Variants in SSBP2 observed in about 807,000 individuals in gnomAD.
SSBP2 encodes the protein single-stranded DNA-binding protein 2.
SSBP2 carries 17 observed loss-of-function variants against 61.8 expected under a neutral mutation model. That is an observed-to-expected ratio of 0.28 (90% CI 0.19 to 0.41). SSBP2 has a LOEUF of 0.41. Ranked by LOEUF, SSBP2 falls within the 10% of genes least tolerant of loss-of-function variation. SSBP2 has a pLI of 1.00. For missense variants in SSBP2, 310 were observed against 458.7 expected (o/e 0.68, Z 2.96); for synonymous variants, 139 against 141.3 (o/e 0.98, Z 0.12).
intron 5 of SSBP2, among the ~76,000 whole-genome samples, chr5:81,507,143 C>T (rs542199789): frequency 6.6e-6 from 1 of 152,232 alleles, no homozygotes; most frequent in African/African-American, 2.4e-5. Context: ...GTGGAGCCAT[C>T]TGCAAACTAC....
At position 81,472,789 on chromosome 5, in the gene SSBP2, C is replaced by T. The variant is rs143260518; in HGVS notation, c.570+911G>A. Among the ~76,000 whole-genome samples the T allele has an allele frequency of 5.4e-3, 824 of 152,080 alleles. 5 individuals are homozygous for T. Among genetic ancestry groups the T allele is most frequent in the African/African-American group, 0.018 (765 of 41,508 alleles). ...TTACTTTTTGTATTTTTAGTAGAGA[C>T]GGGGTTTCACTAGGTTGGCCAGGCT... On this transcript the variant is annotated intron_variant, in intron 8 of 16. Transcript: ENST00000320672.
chr5:81,670,302 A>C (rs545635020), intron 1 of SSBP2, among the ~76,000 whole-genome samples: 181 of 152,274 alleles, frequency 1.2e-3, no homozygotes, highest in Non-Finnish European at 2.4e-3. Context: ...TCTTCCACGC[A>C]ATTTGCTGTG....
chr5:81,725,174 T>C (rs1353475919), intron 1 of SSBP2, among the ~76,000 whole-genome samples: 1 of 151,908 alleles, frequency 6.6e-6, no homozygotes, highest in Non-Finnish European at 1.5e-5. Context: ...ATGGAGTGAG[T>C]GAGCCACGTG....
intron 1 of SSBP2, among the ~76,000 whole-genome samples, chr5:81,701,844 A>G (rs1359690549): frequency 6.6e-6 from 1 of 152,248 alleles, no homozygotes; most frequent in Non-Finnish European, 1.5e-5. Context: ...AAGAAGAGAT[A>G]TAAGTATGCA....
intron 1 of SSBP2, among the ~76,000 whole-genome samples, chr5:81,728,344 T>A (rs2153985559): frequency 6.6e-6 from 1 of 152,296 alleles, no homozygotes; most frequent in Non-Finnish European, 1.5e-5. Context: ...AAGGGCAGCA[T>A]CTTTTTTTAA....
intron 12 of SSBP2, among the ~76,000 whole-genome samples, chr5:81,444,413 T>C (rs1763238420): frequency 6.6e-6 from 1 of 152,200 alleles, no homozygotes; most frequent in Non-Finnish European, 1.5e-5. Flanking sequence ...GGTTTTTTCC[T>C]GGCAGTTCCA....
intron 4 of SSBP2, among the ~76,000 whole-genome samples, chr5:81,526,062 T>G (rs1256828909): frequency 1.3e-5 from 2 of 152,076 alleles, no homozygotes; most frequent in Non-Finnish European, 2.9e-5. Flanking sequence ...ATATCCCATA[T>G]ACGTCAGTAA....
intron 4 of SSBP2, among the ~76,000 whole-genome samples, chr5:81,547,719 T>C (rs767322303): frequency 4.6e-5 from 7 of 152,206 alleles, no homozygotes; most frequent in Non-Finnish European, 7.3e-5. Context: ...GTGATCCTCC[T>C]GCCTTGGACT....
Position 81,426,861 on chromosome 5 carries a change from A to G in SSBP2, c.1056+1724T>C, listed in dbSNP as rs115059506. On this transcript the variant is annotated intron_variant, in intron 16 of 16. Coordinates refer to ENST00000320672, the MANE Select transcript of SSBP2 (RefSeq NM_012446.5). ...GTGAAAGTCATGTGGAAGCTTTTTA[A>G]AAAAGTTTTTTTCCAACTCCAAATT... 7.4e-4 allele frequency among the ~76,000 whole-genome samples: 112 copies of G among 152,312 alleles called. 1 individual carries two copies. The highest frequency in any genetic ancestry group is 2.6e-3 in the African/African-American group (107 of 41,566).
At chr5:81,743,132 C>T (rs1561751188) in intron 1 of SSBP2, among the ~76,000 whole-genome samples, 1 of 152,104 alleles carries the variant, frequency 6.6e-6, no homozygotes, top group Non-Finnish European at 1.5e-5. Flanking sequence ...GATATCAATC[C>T]TATTATCTAG....
At chr5:81,643,271 A>G (rs747197165) in intron 2 of SSBP2, among the ~76,000 whole-genome samples, 3 of 152,146 alleles carry the variant, frequency 2.0e-5, no homozygotes, top group Non-Finnish European at 4.4e-5. Context: ...AGCATCTCCA[A>G]CAATGCAGCA....
chr5:81,750,648 A>C (rs1581479893), intron 1 of SSBP2: 2 of 220,202 alleles, frequency 9.1e-6, no homozygotes, highest in Admixed American at 6.3e-5. Context: ...CCCGGACCCC[A>C]GCTCTAAAGT....
chr5:81,532,510 A>G (rs1770495037), intron 4 of SSBP2, among the ~76,000 whole-genome samples: 2 of 152,022 alleles, frequency 1.3e-5, no homozygotes, highest in African/African-American at 4.8e-5. Context: ...CAAAGATTAG[A>G]TAGTATAAAT....
At chr5:81,685,086 C>T (rs894937250) in intron 1 of SSBP2, among the ~76,000 whole-genome samples, 22 of 152,182 alleles carry the variant, frequency 1.4e-4, no homozygotes, top group Admixed American at 1.0e-3. Context: ...CCCCTTCACT[C>T]GCTCTCTCTC....
rs1443476311 is a variant in SSBP2 at position 81,488,058 on chromosome 5, TAA to T, written c.432+1190_432+1191del. 1.0e-3 allele frequency among the ~76,000 whole-genome samples: 84 copies of T among 83,138 alleles called. 2 individuals carry two copies. Among genetic ancestry groups the T allele is most frequent in the Middle Eastern group, 5.9e-3 (1 of 170 alleles). The allele number at this position is 83,138 out of a possible 152,430, so 54.5% of individuals were successfully genotyped here. ...ATATATATATATATATATATATATA[TAA>T]ATAAAATATCATATATTATATATAT... On this transcript the variant is annotated intron_variant, in intron 6 of 16. Coordinates refer to ENST00000320672, the MANE Select transcript of SSBP2 (RefSeq NM_012446.5).
At chr5:81,628,041 G>A (rs1017733244) in intron 3 of SSBP2, among the ~76,000 whole-genome samples, 3 of 151,864 alleles carry the variant, frequency 2.0e-5, no homozygotes, top group Non-Finnish European at 4.4e-5. Context: ...CTCCAGCCTG[G>A]GTGACCCTGT....
At chr5:81,719,382 T>C (rs1009526059) in intron 1 of SSBP2, among the ~76,000 whole-genome samples, 2 of 152,218 alleles carry the variant, frequency 1.3e-5, no homozygotes, top group African/African-American at 4.8e-5. Context: ...GCCAAACCTG[T>C]TACTTCTCAA....
chr5:81,578,426 T>C (rs917672988), intron 4 of SSBP2, among the ~76,000 whole-genome samples: 12 of 151,864 alleles, frequency 7.9e-5, no homozygotes, highest in Admixed American at 6.6e-4. Context: ...TTAGGAAAAA[T>C]TTTTACTTAT....
chr5:81,438,915 C>T (rs1243073460), intron 14 of SSBP2, among the ~76,000 whole-genome samples: 1 of 152,136 alleles, frequency 6.6e-6, no homozygotes, highest in East Asian at 1.9e-4. Flanking sequence ...TGCTGTGTAC[C>T]TGACATGTGG....
Sources: allele counts gnomAD v4.1 joint callset (sites outside exome capture counted in the v4.1 genomes callset), GRCh38; gene constraint gnomAD v4.1.1; transcripts MANE v1.5; gene names NCBI Gene and HGNC (gene_info 2026-07-23, HGNC 2026-07-21).